Variants in WASF2 observed in about 807,000 individuals in gnomAD.
WASF2 encodes actin-binding protein WASF2.
WASF2 carries 14 observed loss-of-function variants against 45.0 expected under a neutral mutation model. The ratio of observed to expected loss-of-function variants is 0.31; its 90% CI spans 0.21 to 0.49. WASF2 has a LOEUF of 0.49. Among genes scored for constraint, WASF2 ranks in the 20% least tolerant of loss-of-function variants. The probability of loss-of-function intolerance (pLI) is 0.99; values close to 1 mark genes in which losing one functional copy is unlikely to be tolerated. For synonymous variants in WASF2, 200 were observed against 236.3 expected, an observed-to-expected ratio of 0.85 and a Z score of 1.41; for missense variants, 439 against 636.1, an observed-to-expected ratio of 0.69 and a Z score of 3.33.
At chr1:27,447,921 C>T (rs115582287) in intron 1 of WASF2, among the ~76,000 whole-genome samples, 120 of 152,278 alleles carry the variant, frequency 7.9e-4, no homozygotes, top group Middle Eastern at 3.4e-3. Context: ...CTAAAATTGC[C>T]ATGTTCCATG....
intron 1 of WASF2, among the ~76,000 whole-genome samples, chr1:27,472,624 T>C (rs2017704715): frequency 8.6e-6 from 1 of 116,198 alleles, no homozygotes; most frequent in Non-Finnish European, 1.6e-5. Context: ...CACTCCAGCC[T>C]GGGTGACACA....
chr1:27,473,835 G>A (rs1461273013), intron 1 of WASF2, among the ~76,000 whole-genome samples: 1 of 152,238 alleles, frequency 6.6e-6, no homozygotes, highest in African/African-American at 2.4e-5. Context: ...TCAGGGTCAT[G>A]GGTGGCCGGA....
At chr1:27,429,972 C>T (rs779293707) in intron 1 of WASF2, among the ~76,000 whole-genome samples, 10 of 152,096 alleles carry the variant, frequency 6.6e-5, no homozygotes, top group African/African-American at 9.7e-5. Flanking sequence ...TGCTCCCATC[C>T]GGTTCAACAC....
intron 1 of WASF2, among the ~76,000 whole-genome samples, chr1:27,477,207 G>C (rs2017777568): frequency 6.6e-6 from 1 of 152,146 alleles, no homozygotes; most frequent in African/African-American, 2.4e-5. Flanking sequence ...AGACCAAAGG[G>C]ACCAGAGGGG....
intron 7 of WASF2, 29 bp downstream of exon 7, chr1:27,412,543 T>C (rs149353482): frequency 6.4e-4 from 1,032 of 1,613,556 alleles, no homozygotes; most frequent in African/African-American, 5.9e-3. Flanking sequence ...TAACTACCAA[T>C]AGTGGATGGA....
intron 1 of WASF2, among the ~76,000 whole-genome samples, chr1:27,454,218 A>G (rs2017436652): frequency 8.1e-6 from 1 of 124,028 alleles, no homozygotes; most frequent in Admixed American, 8.9e-5. Context: ...TTAAAGATAC[A>G]GGGTCTTACT....
At chr1:27,482,315 C>CA (rs1295058658) in intron 1 of WASF2, among the ~76,000 whole-genome samples, 9 of 152,164 alleles carry the variant, frequency 5.9e-5, no homozygotes, top group Admixed American at 4.6e-4. Flanking sequence ...CCGCCTGTCA[C>CA]AAAAAATACT....
intron 1 of WASF2, among the ~76,000 whole-genome samples, chr1:27,455,776 C>G (rs1475016561): frequency 6.6e-6 from 1 of 152,120 alleles, no homozygotes; most frequent in Admixed American, 6.6e-5. Flanking sequence ...ATGAAGCTAT[C>G]CTGACCCCAT....
intron 2 of WASF2, among the ~76,000 whole-genome samples, chr1:27,420,453 C>G (rs1268921162): frequency 2.6e-5 from 4 of 151,892 alleles, no homozygotes; most frequent in African/African-American, 7.3e-5. Flanking sequence ...TCATTCCAAG[C>G]CACAGGCACA....
chr1:27,417,267 C>G (rs2016839960), intron 4 of WASF2, among the ~76,000 whole-genome samples: 1 of 152,248 alleles, frequency 6.6e-6, no homozygotes, highest in African/African-American at 2.4e-5. Context: ...CACAACCCCT[C>G]TGCCCAAACC....
chr1:27,487,442 CAAATAT>C (rs1222130298), intron 1 of WASF2, among the ~76,000 whole-genome samples: 2 of 117,824 alleles, frequency 1.7e-5, no homozygotes, highest in African/African-American at 3.3e-5. Flanking sequence ...AATATATATA[CAAATAT>C]AAATATATAT....
At chr1:27,419,673 C>T (rs2016875497) in intron 2 of WASF2, among the ~76,000 whole-genome samples, 1 of 152,252 alleles carries the variant, frequency 6.6e-6, no homozygotes. Flanking sequence ...GTAAAAGTAC[C>T]TTATAAAACG....
Position 27,412,747 on chromosome 1 carries a change from C to T in WASF2, c.669-20G>A. The T allele has an allele frequency of 6.2e-7, 1 of 1,613,538 alleles. No individual in the cohort carries two copies. The highest frequency in any genetic ancestry group is 8.5e-7 in the Non-Finnish European group (1 of 1,179,528). Reference sequence around the variant, plus strand: ...GGATACCTGACAATGAACCGAATGCCAAAAACTGTCATTTAAAGAGCCTGA... The same window carrying T: ...GGATACCTGACAATGAACCGAATGCTAAAAACTGTCATTTAAAGAGCCTGA... On this transcript the variant is annotated intron_variant, in intron 6 of 8. Transcript: ENST00000618852.
At chr1:27,464,625 T>C (rs1463591542) in intron 1 of WASF2, among the ~76,000 whole-genome samples, 1 of 152,212 alleles carries the variant, frequency 6.6e-6, no homozygotes, top group Non-Finnish European at 1.5e-5. Flanking sequence ...TGTGTGTCAA[T>C]ATACACAATT....
chr1:27,488,314 T>C (rs2017974159), intron 1 of WASF2, among the ~76,000 whole-genome samples: 1 of 152,110 alleles, frequency 6.6e-6, no homozygotes, highest in Admixed American at 6.6e-5. Flanking sequence ...TCCACAATCT[T>C]CACTCATTAG....
chr1:27,441,786 C>T (rs1316677444), intron 1 of WASF2, among the ~76,000 whole-genome samples: 1 of 139,218 alleles, frequency 7.2e-6, no homozygotes, highest in Non-Finnish European at 1.5e-5. Flanking sequence ...ATTAGCCGGG[C>T]GTGATGGCAC....
chr1:27,480,156 C>G (rs1258487405), intron 1 of WASF2, among the ~76,000 whole-genome samples: 1 of 152,080 alleles, frequency 6.6e-6, no homozygotes, highest in Non-Finnish European at 1.5e-5. Flanking sequence ...TAGGCATGAC[C>G]CAAAACCTTC....
intron 1 of WASF2, among the ~76,000 whole-genome samples, chr1:27,469,700 G>C (rs1003147849): frequency 1.3e-5 from 2 of 152,102 alleles, no homozygotes; most frequent in African/African-American, 4.8e-5. Flanking sequence ...CCAGCACTTC[G>C]GGAGGCCAAG....
intron 7 of WASF2, among the ~76,000 whole-genome samples, chr1:27,411,660 G>A (rs971872997): frequency 2.2e-4 from 34 of 152,094 alleles, no homozygotes; most frequent in Admixed American, 1.9e-3. Flanking sequence ...TCAGGAGATC[G>A]AGACCATCCT....
Sources: gnomAD v4.1 joint callset for allele counts (sites outside exome capture counted in the v4.1 genomes callset) on GRCh38, gnomAD v4.1.1 for gene constraint, MANE v1.5 for transcripts, NCBI Gene and HGNC (gene_info 2026-07-23, HGNC 2026-07-21) for gene names.